Variants in PDE5A observed in about 807,000 individuals in gnomAD.
The protein encoded by PDE5A is cGMP-specific 3',5'-cyclic phosphodiesterase.
In PDE5A, 67 loss-of-function variants were observed where a neutral mutation model predicts 110.2. That is an observed-to-expected ratio of 0.61 (90% CI 0.50 to 0.75). The LOEUF is 0.75. Ranked by LOEUF, PDE5A falls within the 30% of genes least tolerant of loss-of-function variation. The pLI, the probability that PDE5A is intolerant of heterozygous loss-of-function variation, is 0.00. For missense variants in PDE5A, 862 were observed against 1,045.1 expected (o/e 0.82, Z 2.42); for synonymous variants, 328 against 351.2 (o/e 0.93, Z 0.74).
chr4:119,590,696 T>C (rs1451878789), intron 3 of PDE5A, among the ~76,000 whole-genome samples: 3 of 152,208 alleles, frequency 2.0e-5, no homozygotes, highest in Non-Finnish European at 1.5e-5. Context: ...CTCCCAAACA[T>C]TTTTAATTAG....
In PDE5A at chr4:119,530,548, T is replaced by C. The variant is rs114375589; in HGVS notation, c.1633-4853A>G. Among the ~76,000 whole-genome samples the C allele has an allele frequency of 3.1e-3, 476 of 152,262 alleles. 2 individuals are homozygous for C. Among genetic ancestry groups the C allele is most frequent in the African/African-American group, 0.011 (447 of 41,568 alleles). On this transcript the variant is annotated intron_variant, in intron 11 of 20. Coordinates refer to ENST00000354960, the MANE Select transcript of PDE5A (RefSeq NM_001083.4). The stretch of plus-strand genomic sequence containing the variant: ...CCATTCACTCTAGAATATGTTTCTA[T>C]GTAATTTCACAATGTTTTATACTTT...
intron 3 of PDE5A, among the ~76,000 whole-genome samples, chr4:119,571,374 C>T (rs1456391483): frequency 6.6e-6 from 1 of 151,874 alleles, no homozygotes; most frequent in Non-Finnish European, 1.5e-5. Flanking sequence ...TCTAGGTGGG[C>T]CCAATGTAAT....
intron 16 of PDE5A, among the ~76,000 whole-genome samples, chr4:119,506,917 A>G (rs1358281623): frequency 6.6e-6 from 1 of 151,874 alleles, no homozygotes; most frequent in Admixed American, 6.6e-5. Flanking sequence ...ACAGAGGGAG[A>G]GAGACTCATG....
At chr4:119,576,568 A>G (rs1182012205) in intron 3 of PDE5A, among the ~76,000 whole-genome samples, 3 of 152,256 alleles carry the variant, frequency 2.0e-5, no homozygotes, top group African/African-American at 7.2e-5. Context: ...GAAACTGAAC[A>G]ATCGGCTCCT....
Position 119,511,096 on chromosome 4 carries a change from A to AT in PDE5A, c.2038dup (p.Ile680AsnfsTer8), listed in dbSNP as rs776556091. ...CTGGTCAAAATGATGGTGTTCCATG[A>AT]TTGAATGGCAGTAAAGCTGGGCAAG... On this transcript the variant is annotated frameshift_variant, in exon 15 of 21. Coordinates refer to ENST00000354960, the MANE Select transcript of PDE5A (RefSeq NM_001083.4). LOFTEE classifies it high-confidence loss of function. The AT allele has an allele frequency of 1.2e-6, 2 of 1,610,926 alleles. No individual in the cohort carries two copies. The highest frequency in any genetic ancestry group is 1.7e-6 in the Non-Finnish European group (2 of 1,177,584).
intron 14 of PDE5A, among the ~76,000 whole-genome samples, chr4:119,514,518 T>C (rs1725847528): frequency 6.6e-6 from 1 of 151,928 alleles, no homozygotes; most frequent in Admixed American, 6.6e-5. Context: ...TATAATCATA[T>C]TCAATGACAT....
chr4:119,534,860 C>T (rs1726675870), intron 11 of PDE5A, among the ~76,000 whole-genome samples: 1 of 152,114 alleles, frequency 6.6e-6, no homozygotes, highest in Non-Finnish European at 1.5e-5. Context: ...CATGTGTGAT[C>T]AAGACAGGGT....
intron 1 of PDE5A, among the ~76,000 whole-genome samples, chr4:119,621,003 AAG>A (rs1400281646): frequency 6.6e-6 from 1 of 152,220 alleles, no homozygotes; most frequent in African/African-American, 2.4e-5. Flanking sequence ...TCTACTTTGC[AAG>A]AGTGTTTTAA....
At chr4:119,529,978 G>C (rs1319503993) in intron 11 of PDE5A, among the ~76,000 whole-genome samples, 2 of 152,102 alleles carry the variant, frequency 1.3e-5, no homozygotes, top group Non-Finnish European at 2.9e-5. Flanking sequence ...CAGACCTACT[G>C]AATCAGAAAC....
intron 15 of PDE5A, among the ~76,000 whole-genome samples, chr4:119,510,359 T>C (rs187492215): frequency 2.6e-5 from 4 of 152,228 alleles, no homozygotes; most frequent in South Asian, 2.1e-4. Flanking sequence ...TAAGATTATA[T>C]GTCATGCATT....
intron 8 of PDE5A, among the ~76,000 whole-genome samples, chr4:119,553,175 A>G (rs1463573239): frequency 6.6e-6 from 1 of 152,094 alleles, no homozygotes; most frequent in Admixed American, 6.5e-5. Flanking sequence ...AGAAAATACT[A>G]TAATTCAAAT....
Position 119,495,092 on chromosome 4 carries a change from GTTTA to G in PDE5A, c.*3505_*3508del, listed in dbSNP as rs2110443876. ...ATACTTGCAAAAAGACAGGATGTTT[GTTTA>G]CTGGTAGATTCTTAGTAAGTTTCAG... On this transcript the variant is annotated 3_prime_UTR_variant, in exon 21 of 21. Transcript: ENST00000354960. 2.0e-5 allele frequency: 3 copies of G among 152,446 alleles called. No individual in the cohort carries two copies. In the South Asian group the frequency reaches 6.2e-4, roughly 32 times the overall value. 9.4% of individuals were successfully genotyped at this position (152,446 alleles called of 1,614,324 possible).
chr4:119,516,402 C>T (rs1465490004), intron 14 of PDE5A, among the ~76,000 whole-genome samples: 1 of 152,212 alleles, frequency 6.6e-6, no homozygotes, highest in Non-Finnish European at 1.5e-5. Flanking sequence ...TAGAATATAA[C>T]ATAATTTCAC....
At chr4:119,608,050 T>C (rs1326143833) in intron 1 of PDE5A, among the ~76,000 whole-genome samples, 2 of 152,230 alleles carry the variant, frequency 1.3e-5, no homozygotes, top group African/African-American at 4.8e-5. Context: ...ATGCCTATTT[T>C]AGATAGTTAT....
At chr4:119,501,026 A>C in intron 20 of PDE5A, 144 bp downstream of exon 20, 1 of 598,692 alleles carries the variant, frequency 1.7e-6, no homozygotes, top group Non-Finnish European at 3.0e-6. Context: ...AAACATGTTC[A>C]TCAGTAAAAG....
intron 3 of PDE5A, among the ~76,000 whole-genome samples, chr4:119,574,072 A>T (rs1197438513): frequency 6.6e-6 from 1 of 152,148 alleles, no homozygotes; most frequent in East Asian, 1.9e-4. Context: ...TAACTAGTTC[A>T]AGAATATGCA....
chr4:119,563,393 T>G (rs1727813211), intron 5 of PDE5A, among the ~76,000 whole-genome samples: 1 of 152,318 alleles, frequency 6.6e-6, no homozygotes, highest in South Asian at 2.1e-4. Flanking sequence ...GTCAACATTA[T>G]CAATATTTTT....
chr4:119,627,091 G>C lies in PDE5A; in HGVS notation c.152+1429C>G, dbSNP rs1730374843. 6.2e-7 allele frequency: 1 copy of C among 1,605,252 alleles called. No homozygotes were observed. The highest frequency in any genetic ancestry group is 2.3e-5 in the East Asian group (1 of 44,366). On this transcript the variant is annotated intron_variant, in intron 1 of 20. Coordinates refer to ENST00000354960, the MANE Select transcript of PDE5A (RefSeq NM_001083.4). The surrounding 1 kb of genome is among the most constrained non-coding windows in gnomAD (Gnocchi z 4.6). ...CGGGGCGCCACCACCCAGCACCCGA[G>C]ACCCGCCGCGCCCCCGGAAAAAGTG...
chr4:119,500,784 A>C (rs1394511460), intron 20 of PDE5A: 1 of 154,418 alleles, frequency 6.5e-6, no homozygotes, highest in Non-Finnish European at 1.4e-5. Flanking sequence ...AAGAATTTTT[A>C]TAACTAGAGT....
Sources: gnomAD v4.1 joint callset for allele counts (sites outside exome capture counted in the v4.1 genomes callset) on GRCh38, gnomAD v4.1.1 for gene constraint, Gnocchi (gnomAD v3.1) non-coding constraint, MANE v1.5 for transcripts, NCBI Gene and HGNC (gene_info 2026-07-23, HGNC 2026-07-21) for gene names.